SIPA1L3: variants seen among roughly 807,000 people sequenced by gnomAD.
The protein encoded by SIPA1L3 is signal-induced proliferation-associated 1-like protein 3.
A neutral mutation model predicts 150.1 loss-of-function variants in SIPA1L3; 59 were observed. The observed-to-expected ratio is 0.39, with a 90% CI of 0.32 to 0.49. The LOEUF (loss-of-function observed/expected upper bound fraction) is 0.49, where lower values mean the gene tolerates loss of function less well. Ranked by LOEUF, SIPA1L3 falls within the 20% of genes least tolerant of loss-of-function variation. The probability of loss-of-function intolerance (pLI) is 0.86; values close to 1 mark genes in which losing one functional copy is unlikely to be tolerated. For missense variants in SIPA1L3, 2,211 were observed against 2,489.5 expected, an observed-to-expected ratio of 0.89 and a Z score of 2.38; for synonymous variants, 1,070 against 1,077.6, an observed-to-expected ratio of 0.99 and a Z score of 0.14.
At chr19:38,154,437 T>C (rs1301863452) in intron 13 of SIPA1L3, among the ~76,000 whole-genome samples, 1 of 152,166 alleles carries the variant, frequency 6.6e-6, no homozygotes, top group Admixed American at 6.6e-5. Flanking sequence ...AAGTTGATTT[T>C]ATTTTATTTA....
At chr19:38,065,987 CTTATTTATTTATTTATTTAT>C (rs56249728) in intron 2 of SIPA1L3, among the ~76,000 whole-genome samples, 2 of 121,350 alleles carry the variant, frequency 1.6e-5, no homozygotes, top group African/African-American at 6.5e-5. Flanking sequence ...GGCTTGATCT[CTTATTTATTTATTTATTTAT>C]TTATTTATTT....
At chr19:37,922,476 C>A (rs1224900666) in intron 1 of SIPA1L3, among the ~76,000 whole-genome samples, 2 of 151,584 alleles carry the variant, frequency 1.3e-5, no homozygotes, top group Non-Finnish European at 2.9e-5. Context: ...TAACTGCAAT[C>A]TCCATCTCCC....
chr19:37,922,972 CAA>C (rs553338956), intron 1 of SIPA1L3, among the ~76,000 whole-genome samples: 8 of 125,544 alleles, frequency 6.4e-5, no homozygotes, highest in Non-Finnish European at 3.5e-5. Context: ...ACTAAAAATA[CAA>C]AAAAAAAAAA....
At chr19:38,093,624 T>C (rs1426757556) in intron 4 of SIPA1L3, among the ~76,000 whole-genome samples, 1 of 152,000 alleles carries the variant, frequency 6.6e-6, no homozygotes, top group African/African-American at 2.4e-5. Context: ...CCTTCTCATA[T>C]CCACACACAC....
chr19:37,909,547 C>T (rs200758278), intron 1 of SIPA1L3, among the ~76,000 whole-genome samples: 2 of 152,164 alleles, frequency 1.3e-5, no homozygotes, highest in South Asian at 2.1e-4. Flanking sequence ...GATTAACATA[C>T]GTAAACCTAT....
intron 10 of SIPA1L3, among the ~76,000 whole-genome samples, chr19:38,135,511 G>A (rs1412508830): frequency 5.3e-5 from 8 of 152,170 alleles, no homozygotes; most frequent in African/African-American, 7.2e-5. Context: ...ACACTCCCAC[G>A]GGTGCACACG....
At chr19:38,114,933 G>T (rs1970849820) in intron 8 of SIPA1L3, among the ~76,000 whole-genome samples, 1 of 152,346 alleles carries the variant, frequency 6.6e-6, no homozygotes, top group South Asian at 2.1e-4. Flanking sequence ...AGCCACAGTG[G>T]TCTCCGCAGA....
chr19:38,066,471 A>G (rs959420751), intron 2 of SIPA1L3, among the ~76,000 whole-genome samples: 1 of 152,188 alleles, frequency 6.6e-6, no homozygotes, highest in Non-Finnish European at 1.5e-5. Flanking sequence ...ACCTTTCTTG[A>G]CGTAGACTGG....
intron 15 of SIPA1L3, among the ~76,000 whole-genome samples, chr19:38,171,051 GT>G (rs1050896971): frequency 2.2e-4 from 33 of 151,346 alleles, no homozygotes; most frequent in African/African-American, 6.8e-4. Context: ...ACACACATAT[GT>G]TTTTTTTTAA....
chr19:37,954,549 G>T (rs2145559934), intron 1 of SIPA1L3, among the ~76,000 whole-genome samples: 1 of 152,196 alleles, frequency 6.6e-6, no homozygotes, highest in South Asian at 2.1e-4. Context: ...AGGAACTTGT[G>T]GATGTTGAGG....
intron 2 of SIPA1L3, among the ~76,000 whole-genome samples, chr19:38,065,583 AT>A (rs34634559): frequency 0.094 from 14,006 of 148,612 alleles, 856 homozygotes; most frequent in Non-Finnish European, 0.14. Context: ...CACCTAGCTA[AT>A]TTTTTTTTTG....
chr19:38,096,226 CA>C (rs1287695759), intron 4 of SIPA1L3, among the ~76,000 whole-genome samples: 1 of 152,100 alleles, frequency 6.6e-6, no homozygotes, highest in Non-Finnish European at 1.5e-5. Flanking sequence ...CATGTTTTTG[CA>C]GTTAATACTT....
chr19:38,169,083 A>G (rs1000912338), intron 15 of SIPA1L3, among the ~76,000 whole-genome samples: 6 of 152,178 alleles, frequency 3.9e-5, no homozygotes, highest in African/African-American at 1.4e-4. Context: ...AAATAAAATG[A>G]GTTGATTTAA....
intron 2 of SIPA1L3, among the ~76,000 whole-genome samples, 182 bp downstream of exon 2, chr19:38,029,338 C>T (rs1968592085): frequency 6.6e-6 from 1 of 152,140 alleles, no homozygotes; most frequent in Admixed American, 6.5e-5. Flanking sequence ...GGCTGGGTGC[C>T]CTGCCAGACC....
At chr19:38,172,993 T>A (rs1460953497) in intron 15 of SIPA1L3, among the ~76,000 whole-genome samples, 1 of 151,666 alleles carries the variant, frequency 6.6e-6, no homozygotes, top group African/African-American at 2.4e-5. Context: ...TCCCAGCTAC[T>A]TGGGAGGCTG....
chr19:38,057,638 G>A (rs855637), intron 2 of SIPA1L3, among the ~76,000 whole-genome samples: 29,345 of 149,724 alleles, frequency 0.2, 3,161 homozygotes, highest in African/African-American at 0.29. Context: ...CTGGTTCAGA[G>A]GGTGAGAACT....
intron 18 of SIPA1L3, among the ~76,000 whole-genome samples, chr19:38,194,760 T>TC (rs909333654): frequency 1.8e-4 from 28 of 151,876 alleles, no homozygotes; most frequent in Admixed American, 1.7e-3. Context: ...CTATTAAAAC[T>TC]CCCCTGCAGG....
chr19:37,960,378 AGG>A (rs2046846420), intron 1 of SIPA1L3, among the ~76,000 whole-genome samples: 1 of 150,304 alleles, frequency 6.7e-6, no homozygotes, highest in African/African-American at 2.4e-5. Context: ...CTGGGACTAT[AGG>A]TGCGCGCCAC....
chr19:38,069,645 C>T (rs1200473026), intron 2 of SIPA1L3, among the ~76,000 whole-genome samples: 1 of 151,992 alleles, frequency 6.6e-6, no homozygotes, highest in East Asian at 1.9e-4. Flanking sequence ...GGGGTGTGGA[C>T]AGATACCTAT....
Sources: gnomAD v4.1 joint callset for allele counts (sites outside exome capture counted in the v4.1 genomes callset) on GRCh38, gnomAD v4.1.1 for gene constraint, MANE v1.5 for transcripts, NCBI Gene and HGNC (gene_info 2026-07-23, HGNC 2026-07-21) for gene names.